The following LPIN3 variants were observed in gnomAD, a reference collection of about 807,000 sequenced individuals.
LPIN3 encodes lipin 3, also known as phosphatidate phosphatase LPIN3.
Under a neutral mutation model 94.7 loss-of-function variants are expected in LPIN3, and 82 were observed. That is an observed-to-expected ratio of 0.87 (90% CI 0.72 to 1.04). The LOEUF is 1.04. Ranked by LOEUF, LPIN3 falls within the 50% of genes least tolerant of loss-of-function variation. LPIN3 has a pLI of 0.00. For missense variants in LPIN3, 996 were observed against 1,090.5 expected, an observed-to-expected ratio of 0.91 and a Z score of 1.22; for synonymous variants, 418 against 443.3, an observed-to-expected ratio of 0.94 and a Z score of 0.72.
chr20:41,343,507 A>G (rs2045661983), intron 1 of LPIN3, among the ~76,000 whole-genome samples: 1 of 152,198 alleles, frequency 6.6e-6, no homozygotes, highest in Non-Finnish European at 1.5e-5. Flanking sequence ...GGGTCCAGGG[A>G]GTTTCATTTC....
chr20:41,346,079 T>C, intron 2 of LPIN3, 84 bp downstream of exon 2: 1 of 1,406,172 alleles, frequency 7.1e-7, no homozygotes, highest in African/African-American at 1.4e-5. Flanking sequence ...GGACAGGACC[T>C]GGGGCCTCCC....
At chr20:41,346,037 CT>C (rs752277494) in intron 2 of LPIN3, 42 bp downstream of exon 2, 4 of 1,582,712 alleles carry the variant, frequency 2.5e-6, no homozygotes, top group East Asian at 2.2e-5. Flanking sequence ...GCAGAGTGGG[CT>C]TTTTAAGCTG....
In LPIN3 at chr20:41,349,866, T is replaced by G; in HGVS notation, c.731T>G (p.Met244Arg). 1 of 1,613,498 alleles carries G rather than the reference T, an allele frequency of 6.2e-7. No individual in the cohort carries two copies. Among genetic ancestry groups the G allele is most frequent in the Non-Finnish European group, 8.5e-7 (1 of 1,179,976 alleles). The change falls in exon 6 of 20, where the codon ATG (methionine) becomes AGG (arginine). Residue 244 changes from methionine (M) to arginine (R), a missense_variant. Physicochemically the swap from Met to Arg is moderately conservative, Grantham distance 91 (BLOSUM62 -1). Coordinates refer to ENST00000373257, the MANE Select transcript of LPIN3 (RefSeq NM_022896.3). The stretch of plus-strand genomic sequence containing the variant: ...AGTCCCCTAAGAGCCGAGTCCCACA[T>G]GCAGTGGGCCTGGGGGAGGCTGCCT... ...EPSPLRAESH[M>R]QWAWGRLPKV...
Position 41,357,441 on chromosome 20 carries a change from T to C in LPIN3, c.2033T>C (p.Ile678Thr). The C allele has an allele frequency of 1.2e-6, 2 of 1,613,260 alleles. No homozygotes were observed. The highest frequency in any genetic ancestry group is 1.7e-6 in the Non-Finnish European group (2 of 1,179,814). The stretch of plus-strand genomic sequence containing the variant: ...GGCATCACCAGTCTCTATCACAAAA[T>C]CCAACTGTGAGTGCCTGGGCTGGGG... Reference protein sequence around the residue: ...HQGITSLYHKIQLNGYKFLYC... With the variant: ...HQGITSLYHKTQLNGYKFLYC... Residue 678 changes from isoleucine to threonine, a missense_variant, in exon 16 of 20, where the codon ATC (isoleucine) becomes ACC (threonine). Coordinates refer to ENST00000373257, the MANE Select transcript of LPIN3 (RefSeq NM_022896.3).
intron 7 of LPIN3, among the ~76,000 whole-genome samples, chr20:41,351,200 C>T (rs578093207): frequency 6.6e-6 from 1 of 151,792 alleles, no homozygotes; most frequent in African/African-American, 2.4e-5. Context: ...CTGCAGCGAG[C>T]TATGATCATG....
At chr20:41,350,475 A>G (rs2146961501) in intron 7 of LPIN3, 78 bp downstream of exon 7, 2 of 1,162,530 alleles carry the variant, frequency 1.7e-6, no homozygotes, top group Non-Finnish European at 1.2e-6. Flanking sequence ...CTTCAAGTAC[A>G]TTTTGAGCAC....
intron 2 of LPIN3, 100 bp downstream of exon 2, chr20:41,346,095 T>C: frequency 8.2e-7 from 1 of 1,226,900 alleles, no homozygotes; most frequent in Non-Finnish European, 1.1e-6. Context: ...CTCCCTTAGG[T>C]GGGGATCTGT....
intron 1 of LPIN3, among the ~76,000 whole-genome samples, chr20:41,342,786 A>G (rs2093751166): frequency 6.6e-6 from 1 of 152,128 alleles, no homozygotes; most frequent in Non-Finnish European, 1.5e-5. Flanking sequence ...AGTGGGGGGA[A>G]CAGAGAGAGG....
chr20:41,345,630 A>G lies in LPIN3; in HGVS notation c.-8-166A>G, dbSNP rs368597452. Among the ~76,000 whole-genome samples, 6 of 152,350 alleles carry G rather than the reference A, an allele frequency of 3.9e-5. No individual in the cohort carries two copies. The East Asian group carries it at 7.7e-4, about 20-fold the overall frequency. On this transcript the variant is annotated intron_variant, in intron 1 of 19. Transcript: ENST00000373257. Reference sequence around the variant, plus strand: ...CAGTGGGCAAGCTGGGGTTAGACCCACATCTACAGGTGTACCTCCCATCGC... The same window carrying G: ...CAGTGGGCAAGCTGGGGTTAGACCCGCATCTACAGGTGTACCTCCCATCGC...
In LPIN3 at chr20:41,345,857, G is replaced by C; in HGVS notation, c.54G>C (p.Leu18=). ...CGGTGTTTGGGACGGTGAAGGAGCT[G>C]TACCGGGGCCTGAACCCAGCCACAC... is the stretch of plus-strand genomic sequence containing the variant. ...AETVFGTVKE[L]YRGLNPATLS... is the part of the protein sequence containing the mutation. Residue 18 remains leucine (L), a synonymous_variant, in exon 2 of 20, where the codon CTG becomes CTC. Coordinates refer to ENST00000373257, the MANE Select transcript of LPIN3 (RefSeq NM_022896.3). The C allele has an allele frequency of 6.2e-7, 1 of 1,614,246 alleles. No homozygotes were observed. The highest frequency in any genetic ancestry group is 1.1e-5 in the South Asian group (1 of 91,086).
Position 41,352,210 on chromosome 20 carries a change from C to T in LPIN3, c.1353C>T (p.Asp451=). The change falls in exon 9 of 20, where the codon GAC becomes GAT. Residue 451 remains aspartate, a synonymous_variant. Transcript: ENST00000373257. ...GTGGTGGACTGGCTGACAGCCGGGA[C>T]ATCTCCCTAGGTATGTTCGACCATG... is the stretch of plus-strand genomic sequence containing the variant. ...SLCGGLADSR[D]ISLEKFNQHS... is the part of the protein sequence containing the mutation. 1.2e-6 allele frequency: 2 copies of T among 1,614,160 alleles called. No individual in the cohort carries two copies. The highest frequency in any genetic ancestry group is 1.7e-6 in the Non-Finnish European group (2 of 1,180,036).
chr20:41,348,476 G>C, intron 3 of LPIN3, 143 bp from the exon 4 acceptor site: 1 of 1,320,132 alleles, frequency 7.6e-7, no homozygotes, highest in Non-Finnish European at 1.0e-6. Flanking sequence ...TACAGGGCCA[G>C]GCTGGTGCCT....
chr20:41,349,708 T>C, intron 5 of LPIN3, 66 bp from the exon 6 acceptor site: 1 of 1,550,288 alleles, frequency 6.5e-7, no homozygotes, highest in Non-Finnish European at 8.7e-7. Flanking sequence ...TTTTTTTCCC[T>C]GGCTGGGGTG....
chr20:41,354,348 C>T (rs1277107224), intron 11 of LPIN3, among the ~76,000 whole-genome samples: 5 of 152,196 alleles, frequency 3.3e-5, no homozygotes, highest in Admixed American at 6.5e-5. Context: ...CTTTTAACTA[C>T]TCTAGTAAAG....
chr20:41,354,739 T>C lies in LPIN3; in HGVS notation c.1620+2T>C. 1.2e-6 allele frequency: 2 copies of C among 1,605,086 alleles called. No individual in the cohort carries two copies. The highest frequency in any genetic ancestry group is 1.7e-6 in the Non-Finnish European group (2 of 1,174,918). ...CGCAGGGACTTCCTGGCCGAGGAGG[T>C]GGGTGGTCACAGTCGAGGGCCAGGG... On this transcript the variant is annotated splice_donor_variant, in intron 12 of 19. Coordinates refer to ENST00000373257, the MANE Select transcript of LPIN3 (RefSeq NM_022896.3). LOFTEE classifies it high-confidence loss of function.
At chr20:41,357,004 A>G (rs1168888085) in intron 14 of LPIN3, 36 bp from the exon 15 acceptor site, 1 of 1,598,338 alleles carries the variant, frequency 6.3e-7, no homozygotes, top group South Asian at 1.1e-5. Flanking sequence ...CCTGGCTGTC[A>G]TCAATCACGA....
intron 5 of LPIN3, among the ~76,000 whole-genome samples, chr20:41,349,375 A>G (rs1379241577): frequency 6.6e-6 from 1 of 151,898 alleles, no homozygotes; most frequent in Non-Finnish European, 1.5e-5. Context: ...TACCATTTTA[A>G]CTATTTCAAA....
At chr20:41,341,745 A>G (rs6029640) in intron 1 of LPIN3, among the ~76,000 whole-genome samples, 81,587 of 152,100 alleles carry the variant, frequency 0.54, 23,627 homozygotes, top group East Asian at 0.83. Context: ...CACTTTGGAG[A>G]CTGAGGCGGG....
At chr20:41,341,648 G>C (rs1028098311) in intron 1 of LPIN3, among the ~76,000 whole-genome samples, 2 of 152,222 alleles carry the variant, frequency 1.3e-5, no homozygotes, top group Admixed American at 1.3e-4. Flanking sequence ...TTTGCAAATA[G>C]TGGTGCCACC....
Sources: gnomAD v4.1 joint callset for allele counts (sites outside exome capture counted in the v4.1 genomes callset) on GRCh38, gnomAD v4.1.1 for gene constraint, MANE v1.5 for transcripts, NCBI Gene and HGNC (gene_info 2026-07-23, HGNC 2026-07-21) for gene names.